The following ERBIN variants were observed in gnomAD, a reference collection of about 807,000 sequenced individuals.
ERBIN encodes densin-180-like protein.
Under a neutral mutation model 158.4 loss-of-function variants are expected in ERBIN, and 60 were observed. The observed-to-expected ratio is 0.38, with a 90% CI of 0.31 to 0.47. ERBIN has a LOEUF of 0.47. Ranked by LOEUF, ERBIN falls within the 20% of genes least tolerant of loss-of-function variation. The probability of loss-of-function intolerance (pLI) is 0.99; values close to 1 mark genes in which losing one functional copy is unlikely to be tolerated. For synonymous variants in ERBIN, 594 were observed against 557.2 expected (o/e 1.07, Z -0.93); for missense variants, 1,610 against 1,648.0 (o/e 0.98, Z 0.40).
chr5:66,063,068 G>T (rs1760597120), intron 21 of ERBIN, among the ~76,000 whole-genome samples: 2 of 152,220 alleles, frequency 1.3e-5, no homozygotes, highest in Admixed American at 6.5e-5. Context: ...CTTCAAAACT[G>T]TCAGACAGGG....
chr5:65,941,256 T>TATTG (rs1744980056), intron 1 of ERBIN, among the ~76,000 whole-genome samples: 1 of 147,042 alleles, frequency 6.8e-6, no homozygotes, highest in African/African-American at 2.5e-5. Flanking sequence ...CTCCCTCCAC[T>TATTG]ATTGTCCTAT....
chr5:65,981,382 G>C (rs1401866852), intron 1 of ERBIN, among the ~76,000 whole-genome samples: 1 of 152,084 alleles, frequency 6.6e-6, no homozygotes, highest in Non-Finnish European at 1.5e-5. Context: ...TTCAGAATAA[G>C]TGAAAGGCAG....
intron 13 of ERBIN, 82 bp downstream of exon 13, chr5:66,026,499 T>C (rs1313863032): frequency 1.5e-5 from 9 of 612,610 alleles, no homozygotes; most frequent in Non-Finnish European, 2.1e-5. Context: ...TATAATAGAA[T>C]AGCTAGTGCT....
At chr5:66,023,674 T>A (rs1255857446) in intron 9 of ERBIN, among the ~76,000 whole-genome samples, 1 of 112,198 alleles carries the variant, frequency 8.9e-6, no homozygotes, top group African/African-American at 4.7e-5. Flanking sequence ...ACTTTCTGAA[T>A]TTTTTTTTTT....
At chr5:65,974,971 A>G (rs1749695505) in intron 1 of ERBIN, among the ~76,000 whole-genome samples, 1 of 152,304 alleles carries the variant, frequency 6.6e-6, no homozygotes, top group Middle Eastern at 3.4e-3. Flanking sequence ...TAAGAAAGCA[A>G]GGGGGAGAAG....
chr5:66,027,228 G>A (rs1489595357), intron 13 of ERBIN, among the ~76,000 whole-genome samples: 1 of 151,918 alleles, frequency 6.6e-6, no homozygotes, highest in Non-Finnish European at 1.5e-5. Flanking sequence ...GTAAGGTAGA[G>A]CTTTAATTTA....
rs1248957297 is a variant in ERBIN, at chr5:66,080,448, A to C, written c.*1918A>C. On this transcript the variant is annotated 3_prime_UTR_variant, in exon 26 of 26. Coordinates refer to ENST00000284037, the MANE Select transcript of ERBIN (RefSeq NM_001253697.2). ...AGAAGAAATGTGCTGTATTTTGATA[A>C]AATTCACTTATTGTATGTGTGTTGT... 6.6e-6 allele frequency: 1 copy of C among 152,092 alleles called. No homozygotes were observed. The highest frequency in any genetic ancestry group is 1.5e-5 in the Non-Finnish European group (1 of 67,868). The allele number at this position is 152,092 out of a possible 1,614,324, so 9.4% of individuals were successfully genotyped here. A position where few individuals can be genotyped will look rare whatever the true frequency, so the allele number is the denominator to read the frequency against.
rs761529412 is a variant in ERBIN at position 66,024,323 on chromosome 5, A to G, written c.690A>G (p.Lys230=). Residue 230 remains lysine, a synonymous_variant, in exon 10 of 26, where the codon AAA becomes AAG. Transcript: ENST00000284037. The part of the protein sequence containing the change: ...TFIPGFIGSL[K]QLTYLDVSKN... ...ACTTATAGTTTATTGGTAGTTTGAA[A>G]CAGCTCACATATTTGGATGTTTCTA... The G allele has an allele frequency of 1.9e-6, 3 of 1,544,004 alleles. No individual in the cohort carries two copies. The highest frequency in any genetic ancestry group is 1.8e-6 in the Non-Finnish European group (2 of 1,131,560).
rs375859419 is a variant in ERBIN at position 65,954,510 on chromosome 5, G to A, written c.-58+27704G>A. On this transcript the variant is annotated intron_variant, in intron 1 of 25. Transcript: ENST00000284037. ...GTGGACCTGAGTACATCAAATTTGA[G>A]GATTCAGTTTAATGAAAATGATGAA... Among the ~76,000 whole-genome samples the A allele has an allele frequency of 5.9e-5, 9 of 152,030 alleles. No homozygotes were observed. The East Asian group carries it at 1.5e-3, about 26-fold the overall frequency.
At chr5:66,058,864 C>T (rs1759925245) in intron 21 of ERBIN, among the ~76,000 whole-genome samples, 1 of 152,080 alleles carries the variant, frequency 6.6e-6, no homozygotes, top group South Asian at 2.1e-4. Context: ...GGCATTATTT[C>T]TGAGGGCTCT....
Position 66,051,002 on chromosome 5 carries a change from A to G in ERBIN, c.2087+36A>G, listed in dbSNP as rs367718878. ...CTCTTTTACAGTTTTTTATTTATAC[A>G]ATAAATAGAAGTAGTAAGGCAGATA... On this transcript the variant is annotated intron_variant, in intron 20 of 25. Transcript: ENST00000284037. The G allele has an allele frequency of 2.0e-5, 27 of 1,360,326 alleles. No individual in the cohort carries two copies. The African/African-American group carries it at 4.0e-4, about 20-fold the overall frequency. The allele number at this position is 1,360,326 out of a possible 1,614,324, so 84.3% of individuals were successfully genotyped here.
chr5:65,978,119 C>T (rs1750237583), intron 1 of ERBIN, among the ~76,000 whole-genome samples: 1 of 152,072 alleles, frequency 6.6e-6, no homozygotes, highest in Non-Finnish European at 1.5e-5. Context: ...CTTTTATTGA[C>T]CTATTGTTGA....
intron 1 of ERBIN, among the ~76,000 whole-genome samples, chr5:65,973,507 A>G (rs920893589): frequency 1.3e-5 from 2 of 151,394 alleles, no homozygotes; most frequent in Admixed American, 1.3e-4. Flanking sequence ...ACCGGAAGAA[A>G]TAACTAATGG....
intron 1 of ERBIN, among the ~76,000 whole-genome samples, chr5:65,953,949 T>C (rs1203948758): frequency 6.6e-6 from 1 of 152,170 alleles, no homozygotes; most frequent in Non-Finnish European, 1.5e-5. Context: ...CCTGGATTCT[T>C]TTTTAAAATG....
intron 20 of ERBIN, 117 bp from the exon 21 acceptor site, chr5:66,053,289 C>G: frequency 1.8e-6 from 1 of 543,336 alleles, no homozygotes; most frequent in Non-Finnish European, 3.1e-6. Context: ...TGCCTTTTGT[C>G]TTTGACTTTT....
intron 10 of ERBIN, 47 bp from the exon 11 acceptor site, chr5:66,025,433 C>G (rs1756134268): frequency 2.1e-6 from 3 of 1,417,378 alleles, no homozygotes; most frequent in Non-Finnish European, 3.0e-6. Context: ...GGTGGACTTG[C>G]TTCTATTTTA....
At chr5:65,931,080 ACT>A (rs1383652020) in intron 1 of ERBIN, among the ~76,000 whole-genome samples, 1 of 152,102 alleles carries the variant, frequency 6.6e-6, no homozygotes, top group African/African-American at 2.4e-5. Context: ...ACTTAATAAG[ACT>A]CTACTTATCT....
At chr5:66,071,187 C>G (rs1488348275) in intron 21 of ERBIN, among the ~76,000 whole-genome samples, 2 of 152,064 alleles carry the variant, frequency 1.3e-5, no homozygotes, top group African/African-American at 4.8e-5. Context: ...GACCCTGCCT[C>G]TTCCCCCTCC....
At chr5:65,959,356 G>A (rs1747659729) in intron 1 of ERBIN, among the ~76,000 whole-genome samples, 1 of 151,906 alleles carries the variant, frequency 6.6e-6, no homozygotes, top group African/African-American at 2.4e-5. Flanking sequence ...TTATTGATTT[G>A]GAAGAAGTAT....
Sources: gnomAD v4.1 joint callset for allele counts (sites outside exome capture counted in the v4.1 genomes callset) on GRCh38, gnomAD v4.1.1 for gene constraint, MANE v1.5 for transcripts, NCBI Gene and HGNC (gene_info 2026-07-23, HGNC 2026-07-21) for gene names.